Variants in FAM184A observed in about 807,000 individuals in gnomAD.
FAM184A encodes the protein family with sequence similarity 184 member A, also known as protein FAM184A.
A neutral mutation model predicts 143.8 loss-of-function variants in FAM184A; 99 were observed. The observed-to-expected ratio is 0.69, with a 90% CI of 0.58 to 0.81. The LOEUF is 0.81. FAM184A is among the 40% of genes least tolerant of loss of function. The pLI is 0.00. For synonymous variants in FAM184A, 427 were observed against 446.4 expected, an observed-to-expected ratio of 0.96 and a Z score of 0.55; for missense variants, 1,217 against 1,310.5, an observed-to-expected ratio of 0.93 and a Z score of 1.10.
intron 9 of FAM184A, among the ~76,000 whole-genome samples, chr6:118,985,226 C>A (rs746216038): frequency 1.3e-5 from 2 of 152,204 alleles, no homozygotes; most frequent in African/African-American, 2.4e-5. Context: ...CCAGGGCACA[C>A]CTCAAAAGAT....
intron 1 of FAM184A, among the ~76,000 whole-genome samples, chr6:119,083,813 C>T (rs1366173385): frequency 3.3e-5 from 5 of 152,126 alleles, no homozygotes; most frequent in Admixed American, 3.3e-4. Context: ...CTGAGCCCTC[C>T]AAACTGTTCC....
intron 3 of FAM184A, among the ~76,000 whole-genome samples, chr6:119,022,672 C>T (rs1785488607): frequency 6.6e-6 from 1 of 151,920 alleles, no homozygotes; most frequent in South Asian, 2.1e-4. Flanking sequence ...CTCAGGAGTT[C>T]GAGACCAGCC....
intron 1 of FAM184A, among the ~76,000 whole-genome samples, chr6:119,104,838 G>A (rs1180733364): frequency 6.6e-6 from 1 of 152,138 alleles, no homozygotes; most frequent in Non-Finnish European, 1.5e-5. Context: ...AGGTGATCAA[G>A]GTCAACGTCA....
At chr6:118,964,119 GTT>G (rs1387436066) in intron 16 of FAM184A, among the ~76,000 whole-genome samples, 2 of 151,990 alleles carry the variant, frequency 1.3e-5, no homozygotes, top group Admixed American at 6.6e-5. Flanking sequence ...GAGCCCAAGA[GTT>G]TGAGACCAGC....
Position 119,011,371 on chromosome 6 carries a change from G to A in FAM184A, c.1591C>T (p.Gln531Ter), listed in dbSNP as rs769909839. 6.3e-7 allele frequency: 1 copy of A among 1,595,238 alleles called. No individual in the cohort carries two copies. Among genetic ancestry groups the A allele is most frequent in the Non-Finnish European group, 8.6e-7 (1 of 1,169,338 alleles). The part of the protein sequence containing the change: ...LNLEEDKNQL[Q>*]QELENLKEVL... ...TCCTTTAGGTTTTCTAGCTCTTGTT[G>A]AAGCTGATTTTTATCCTCTTCCAGG... Residue 531 changes from glutamine to a stop codon, truncating the protein, a stop_gained, in exon 6 of 18, where the codon CAA (glutamine) becomes TAA (stop). Coordinates refer to ENST00000338891, the MANE Select transcript of FAM184A (RefSeq NM_024581.6). LOFTEE classifies it high-confidence loss of function.
At chr6:119,078,948 G>A (rs1005578108), upstream of FAM184A, 1 of 152,946 alleles carries the variant, frequency 6.5e-6, no homozygotes, top group Non-Finnish European at 1.5e-5. The surrounding 1 kb of genome is among the most constrained non-coding windows in gnomAD (Gnocchi z 5.5). Flanking sequence ...CGTGCAGCGA[G>A]CGTGAGGCCT....
At chr6:119,108,751 C>T (rs948139998) in intron 1 of FAM184A, among the ~76,000 whole-genome samples, 11 of 152,100 alleles carry the variant, frequency 7.2e-5, no homozygotes, top group African/African-American at 2.2e-4. Flanking sequence ...GGAGCTGACA[C>T]TCAGTACAAG....
chr6:119,020,651 TA>T (rs1785413829), intron 3 of FAM184A, among the ~76,000 whole-genome samples: 1 of 152,216 alleles, frequency 6.6e-6, no homozygotes, highest in African/African-American at 2.4e-5. Context: ...AGATGGCAGA[TA>T]GCAGTTTGGT....
intron 1 of FAM184A, among the ~76,000 whole-genome samples, chr6:119,029,001 T>C (rs1310958803): frequency 6.6e-6 from 1 of 152,170 alleles, no homozygotes; most frequent in African/African-American, 2.4e-5. Flanking sequence ...TTCTATCCAG[T>C]GTAAGGGTAG....
At chr6:119,096,039 C>G (rs141608214) in intron 1 of FAM184A, among the ~76,000 whole-genome samples, 150 of 152,226 alleles carry the variant, frequency 9.9e-4, no homozygotes, top group African/African-American at 3.4e-3. Context: ...TCTCATTCCA[C>G]CTCTCCTCAA....
chr6:119,007,133 G>T (rs1784945445), intron 6 of FAM184A, among the ~76,000 whole-genome samples: 1 of 152,122 alleles, frequency 6.6e-6, no homozygotes, highest in Middle Eastern at 3.2e-3. Flanking sequence ...ATCTTTAAGA[G>T]TTGAATTTAT....
chr6:119,085,540 T>C (rs766522730), intron 1 of FAM184A, among the ~76,000 whole-genome samples: 1 of 152,194 alleles, frequency 6.6e-6, no homozygotes, highest in African/African-American at 2.4e-5. Context: ...AGTTCCAAAC[T>C]TTCCTTCATT....
At chr6:118,982,244 A>G in intron 9 of FAM184A, among the ~76,000 whole-genome samples, 1 of 152,192 alleles carries the variant, frequency 6.6e-6, no homozygotes, top group East Asian at 1.9e-4. Context: ...ACATTTGTGA[A>G]CACTGATTTG....
chr6:119,127,830 G>GCATT (rs112401976), intron 1 of FAM184A, among the ~76,000 whole-genome samples: 1,639 of 152,230 alleles, frequency 0.011, 18 homozygotes, highest in African/African-American at 0.032. Context: ...CATCATTCAT[G>GCATT]CATTCATTCA....
chr6:119,038,743 A>C (rs1308261627), intron 1 of FAM184A, among the ~76,000 whole-genome samples: 1 of 152,158 alleles, frequency 6.6e-6, no homozygotes, highest in East Asian at 1.9e-4. Context: ...TTCGCTTTGC[A>C]CTACGGACCG....
chr6:119,005,662 T>C (rs1046379142), intron 7 of FAM184A: 2 of 160,414 alleles, frequency 1.2e-5, no homozygotes, highest in African/African-American at 4.8e-5. Context: ...ACACACTATG[T>C]GGTGGATTCA....
At chr6:119,098,237 A>T (rs753420611) in intron 1 of FAM184A, among the ~76,000 whole-genome samples, 1 of 152,312 alleles carries the variant, frequency 6.6e-6, no homozygotes, top group South Asian at 2.1e-4. Flanking sequence ...ACCAGGTAAG[A>T]CATGCCTTTC....
chr6:119,091,283 GTAT>G (rs1379514516), intron 1 of FAM184A, among the ~76,000 whole-genome samples: 1 of 152,188 alleles, frequency 6.6e-6, no homozygotes, highest in Non-Finnish European at 1.5e-5. Flanking sequence ...GGGTCGCTGG[GTAT>G]GACGGTGAGA....
At chr6:119,042,213 A>AC (rs1786365330) in intron 1 of FAM184A, among the ~76,000 whole-genome samples, 2 of 152,196 alleles carry the variant, frequency 1.3e-5, no homozygotes, top group Non-Finnish European at 2.9e-5. Flanking sequence ...GGAACCCAGG[A>AC]CGATGGGGGA....
Sources: allele counts gnomAD v4.1 joint callset (sites outside exome capture counted in the v4.1 genomes callset), GRCh38; gene constraint gnomAD v4.1.1; non-coding constraint Gnocchi (gnomAD v3.1); transcripts MANE v1.5; gene names NCBI Gene and HGNC (gene_info 2026-07-23, HGNC 2026-07-21).